C16orf86: variants seen among roughly 807,000 people sequenced by gnomAD.
The protein encoded by C16orf86 is chromosome 16 open reading frame 86.
C16orf86 carries 19 observed loss-of-function variants against 21.5 expected under a neutral mutation model. The ratio of observed to expected loss-of-function variants is 0.88; its 90% CI spans 0.62 to 1.30. The LOEUF is 1.30. Among genes scored for constraint, C16orf86 ranks in the 50% most tolerant of loss-of-function variants. C16orf86 has a pLI of 0.00. For missense variants in C16orf86, 391 were observed against 415.8 expected (o/e 0.94, Z 0.52); for synonymous variants, 188 against 183.5 (o/e 1.02, Z -0.20).
rs1445201353 is a variant in C16orf86 at position 67,667,967 on chromosome 16, ACAGC to A, written c.426_429del (p.Ser142ArgfsTer36). 6.2e-7 allele frequency: 1 copy of A among 1,613,442 alleles called. No individual in the cohort carries two copies. Among genetic ancestry groups the A allele is most frequent in the Admixed American group, 1.7e-5 (1 of 60,018 alleles). On this transcript the variant is annotated frameshift_variant, in exon 3 of 4. Transcript: ENST00000403458. LOFTEE classifies it high-confidence loss of function. ...CCGCTGCAGGAGGAGGAGCCAGAGG[ACAGC>A]CAGAGTGAGCCCTCACCATCTGCCA...
chr16:67,668,378 G>A lies in C16orf86; in HGVS notation c.732G>A (p.Leu244=). The change falls in exon 4 of 4, where the codon CTG becomes CTA. Residue 244 remains leucine (L), a synonymous_variant. Coordinates refer to ENST00000403458, the MANE Select transcript of C16orf86 (RefSeq NM_001012984.3). ...LQALLPLAGE[L]GPGLALPCPS... ...CCTTGCTGCCCTTGGCAGGTGAGCT[G>A]GGCCCAGGCCTCGCTTTGCCCTGTC... 2 of 1,612,662 alleles carry A rather than the reference G, an allele frequency of 1.2e-6. No homozygotes were observed. Among genetic ancestry groups the A allele is most frequent in the South Asian group, 1.1e-5 (1 of 91,068 alleles).
In C16orf86 at chr16:67,667,935, C is replaced by T; in HGVS notation, c.390C>T (p.Pro130=). ...TTAAGGCTGAAGCTGAGCTGCCACCCAAGCTGCCGCTGCAGGAGGAGGAGC... is the reference window on the plus strand; with the variant it reads ...TTAAGGCTGAAGCTGAGCTGCCACCTAAGCTGCCGCTGCAGGAGGAGGAGC... ...AHLKAEAELP[P]KLPLQEEEPE... The change falls in exon 3 of 4, where the codon CCC becomes CCT. Residue 130 remains proline, a synonymous_variant. Transcript: ENST00000403458. The T allele has an allele frequency of 2.5e-6, 4 of 1,612,906 alleles. No homozygotes were observed. Among genetic ancestry groups the T allele is most frequent in the Non-Finnish European group, 3.4e-6 (4 of 1,179,738 alleles).
Position 67,667,978 on chromosome 16 carries a change from GAGCCCTC to G in C16orf86, c.435_441del (p.Glu145AspfsTer32). Reference sequence around the variant, plus strand: ...GGAGGAGCCAGAGGACAGCCAGAGTGAGCCCTCACCATCTGCCAAACAGCACAAAAAA... The same window carrying G: ...GGAGGAGCCAGAGGACAGCCAGAGTGACCATCTGCCAAACAGCACAAAAAA... On this transcript the variant is annotated frameshift_variant, in exon 3 of 4. Coordinates refer to ENST00000403458, the MANE Select transcript of C16orf86 (RefSeq NM_001012984.3). LOFTEE classifies it high-confidence loss of function. The G allele has an allele frequency of 6.2e-7, 1 of 1,613,548 alleles. No homozygotes were observed. The highest frequency in any genetic ancestry group is 2.2e-5 in the East Asian group (1 of 44,884).
Position 67,668,450 on chromosome 16 carries a change from G to A in C16orf86, c.804G>A (p.Glu268=), listed in dbSNP as rs1470265841. The stretch of plus-strand genomic sequence containing the variant: ...CCCATGCCCTGGCTCCCCTCGGAGA[G>A]GAGGCTGGAGAGGAGCCTGGGGGCT... The part of the protein sequence containing the change: ...TPTHALAPLG[E]EAGEEPGGLP... The change falls in exon 4 of 4, where the codon GAG becomes GAA. Residue 268 remains glutamate (E), a synonymous_variant. Transcript: ENST00000403458. The A allele has an allele frequency of 6.2e-7, 1 of 1,612,362 alleles. No homozygotes were observed. Among genetic ancestry groups the A allele is most frequent in the African/African-American group, 1.3e-5 (1 of 74,828 alleles).
rs1295153101 is a variant in C16orf86, at chr16:67,667,056, G to C, written c.86G>C (p.Ser29Thr). The C allele has an allele frequency of 6.9e-7, 1 of 1,453,142 alleles. No individual in the cohort carries two copies. Among genetic ancestry groups the C allele is most frequent in the South Asian group, 1.4e-5 (1 of 69,296 alleles). 90.0% of individuals were successfully genotyped at this position (1,453,142 alleles called of 1,614,324 possible). Residue 29 changes from serine to threonine, a missense_variant, in exon 1 of 4, where the codon AGC becomes ACC. Coordinates refer to ENST00000403458, the MANE Select transcript of C16orf86 (RefSeq NM_001012984.3). ...GGACAGCTCACGGAGGAGCCCGGCA[G>C]CGCTCAGACCTCCGAGGTGACCGTC... ...GQGQLTEEPG[S>T]AQTSECPVAG...
chr16:67,667,792 G>A, intron 2 of C16orf86, 86 bp from the exon 3 acceptor site: 1 of 1,519,952 alleles, frequency 6.6e-7, no homozygotes, highest in Non-Finnish European at 8.8e-7. Context: ...CGAGCCCTGG[G>A]GCTGTGGGCA....
In C16orf86 at chr16:67,666,984, G is replaced by C; in HGVS notation, c.14G>C (p.Gly5Ala). The C allele has an allele frequency of 6.9e-7, 1 of 1,451,920 alleles. No individual in the cohort carries two copies. The highest frequency in any genetic ancestry group is 9.0e-7 in the Non-Finnish European group (1 of 1,109,666). The allele number at this position is 1,451,920 out of a possible 1,614,324, so 89.9% of individuals were successfully genotyped here. A position where few individuals can be genotyped will look rare whatever the true frequency, so the allele number is the denominator to read the frequency against. The change falls in exon 1 of 4, where the codon GGG becomes GCG. Residue 5 changes from glycine (G) to alanine (A), a missense_variant. Coordinates refer to ENST00000403458, the MANE Select transcript of C16orf86 (RefSeq NM_001012984.3). Reference sequence around the variant, plus strand: ...GCCTGCGCAGCCATGGCCTCGGCAGGGGCGGAGAGGCGGCCGGGGGTCCAG... The same window carrying C: ...GCCTGCGCAGCCATGGCCTCGGCAGCGGCGGAGAGGCGGCCGGGGGTCCAG... MASA[G>A]AERRPGVQEA...
Position 67,667,506 on chromosome 16 carries a change from C to T in C16orf86, c.313C>T (p.Pro105Ser). Reference sequence around the variant, plus strand: ...CTCCATTGTGAGGCCCCGTCATGGTCCAAAGAGAAAGCCTGTCAAGTGAGG... The same window carrying T: ...CTCCATTGTGAGGCCCCGTCATGGTTCAAAGAGAAAGCCTGTCAAGTGAGG... ...VVSIVRPRHGPKRKPVKSLSL... is the reference protein window; with the variant it reads ...VVSIVRPRHGSKRKPVKSLSL... Residue 105 changes from proline (P) to serine (S), a missense_variant, in exon 2 of 4, where the codon CCA (proline) becomes TCA (serine). Pro to Ser is a moderately conservative substitution (Grantham distance 74). Transcript: ENST00000403458. 1 of 1,606,158 alleles carries T rather than the reference C, an allele frequency of 6.2e-7. No homozygotes were observed. The highest frequency in any genetic ancestry group is 8.5e-7 in the Non-Finnish European group (1 of 1,176,690).
In C16orf86 at chr16:67,668,135, G is replaced by T. The variant is rs772484887; in HGVS notation, c.553+37G>T. 5 of 1,598,248 alleles carry T rather than the reference G, an allele frequency of 3.1e-6. No individual in the cohort carries two copies. In the South Asian group the frequency reaches 5.6e-5, roughly 18 times the overall value. On this transcript the variant is annotated intron_variant, in intron 3 of 3. Coordinates refer to ENST00000403458, the MANE Select transcript of C16orf86 (RefSeq NM_001012984.3). The stretch of plus-strand genomic sequence containing the variant: ...TCCCTGGACTGTTCCTTCTCCCCCT[G>T]CCTGTGGGGCCCGACATGGCACAAC...
chr16:67,667,894 G>A lies in C16orf86; in HGVS notation c.349G>A (p.Gly117Ser). Residue 117 changes from glycine (G) to serine (S), a missense_variant, in exon 3 of 4, where the codon GGC becomes AGC. Coordinates refer to ENST00000403458, the MANE Select transcript of C16orf86 (RefSeq NM_001012984.3). ...RKPVKSLSLPGLRAHLKAEAE... is the reference protein window; with the variant it reads ...RKPVKSLSLPSLRAHLKAEAE... ...CTGGCTCAGGTCTCTCAGCCTCCCG[G>A]GCCTTCGTGCCCATCTTAAGGCTGA... 1 of 1,600,470 alleles carries A rather than the reference G, an allele frequency of 6.2e-7. No individual in the cohort carries two copies. The highest frequency in any genetic ancestry group is 8.5e-7 in the Non-Finnish European group (1 of 1,173,876).
rs1166903915 is a variant in C16orf86 at position 67,667,288 on chromosome 16, A to G, written c.103-8A>G. On this transcript the variant is annotated splice_region_variant and splice_polypyrimidine_tract_variant and intron_variant, in intron 1 of 3. Coordinates refer to ENST00000403458, the MANE Select transcript of C16orf86 (RefSeq NM_001012984.3). ...CATGGTGACCGATGGCCTGTGTGTC[A>G]TCTCTAGTGTCCAGTGGCGGGAGAC... is the stretch of plus-strand genomic sequence containing the variant. 1 of 1,612,348 alleles carries G rather than the reference A, an allele frequency of 6.2e-7. No homozygotes were observed. Among genetic ancestry groups the G allele is most frequent in the South Asian group, 1.1e-5 (1 of 91,046 alleles).
rs553991122 is a variant in C16orf86 at position 67,668,240 on chromosome 16, C to T, written c.594C>T (p.Asn198=). ...TGCGGCCGCTGTACCAGTACGTCAACTATTGCAACCCTGAGCTGAACCAGG... is the reference window on the plus strand; with the variant it reads ...TGCGGCCGCTGTACCAGTACGTCAATTATTGCAACCCTGAGCTGAACCAGG... ...QRLRPLYQYV[N]YCNPELNQAG... is the part of the protein sequence containing the mutation. The change falls in exon 4 of 4, where the codon AAC becomes AAT. Residue 198 remains asparagine, a synonymous_variant. Coordinates refer to ENST00000403458, the MANE Select transcript of C16orf86 (RefSeq NM_001012984.3). The T allele has an allele frequency of 7.5e-6, 12 of 1,595,970 alleles. No homozygotes were observed. In the African/African-American group the frequency reaches 1.2e-4, roughly 16 times the overall value.
Position 67,667,866 on chromosome 16 carries a change from T to C in C16orf86, c.333-12T>C. 4 of 1,554,910 alleles carry C rather than the reference T, an allele frequency of 2.6e-6. No individual in the cohort carries two copies. In the African/African-American group the frequency reaches 5.5e-5, roughly 21 times the overall value. ...GCTGGAGCCTGGCTCAAGTCTCTTG[T>C]CCCTGGCTCAGGTCTCTCAGCCTCC... On this transcript the variant is annotated splice_polypyrimidine_tract_variant and intron_variant, in intron 2 of 3. Transcript: ENST00000403458.
Position 67,667,495 on chromosome 16 carries a change from C to G in C16orf86, c.302C>G (p.Pro101Arg), listed in dbSNP as rs758788440. ...AGGCCCGTGGTCTCCATTGTGAGGC[C>G]CCGTCATGGTCCAAAGAGAAAGCCT... ...GPRPVVSIVR[P>R]RHGPKRKPVK... is the part of the protein sequence containing the mutation. The change falls in exon 2 of 4, where the codon CCC becomes CGC. Residue 101 changes from proline to arginine, a missense_variant. Physicochemically the swap from Pro to Arg is moderately radical, Grantham distance 103 (BLOSUM62 -2). Transcript: ENST00000403458. 1.2e-5 allele frequency: 19 copies of G among 1,607,796 alleles called. No individual in the cohort carries two copies. Among genetic ancestry groups the G allele is most frequent in the Non-Finnish European group, 1.6e-5 (19 of 1,177,550 alleles).
In C16orf86 at chr16:67,667,061, C is replaced by T; in HGVS notation, c.91C>T (p.Gln31Ter). The change falls in exon 1 of 4, where the codon CAG becomes TAG. Residue 31 changes from glutamine (Q) to a stop codon, truncating the protein, a stop_gained. Coordinates refer to ENST00000403458, the MANE Select transcript of C16orf86 (RefSeq NM_001012984.3). LOFTEE classifies it high-confidence loss of function. ...GCTCACGGAGGAGCCCGGCAGCGCT[C>T]AGACCTCCGAGGTGACCGTCAGGCT... ...GQLTEEPGSA[Q>*]TSECPVAGDQ... is the part of the protein sequence containing the mutation. 1.4e-6 allele frequency: 2 copies of T among 1,453,614 alleles called. No individual in the cohort carries two copies. The highest frequency in any genetic ancestry group is 2.9e-5 in the South Asian group (2 of 69,454). The allele number at this position is 1,453,614 out of a possible 1,614,324, so 90.0% of individuals were successfully genotyped here.
rs1404750986 is a variant in C16orf86, at chr16:67,668,651, C to T, written c.*51C>T. On this transcript the variant is annotated 3_prime_UTR_variant, in exon 4 of 4. Transcript: ENST00000403458. ...CTCCTTCCACGCCTGAATTTGGCTT[C>T]AGGCTTCCTGTGGGCCTAGGCCCTC... is the stretch of plus-strand genomic sequence containing the variant. 2 of 1,585,446 alleles carry T rather than the reference C, an allele frequency of 1.3e-6. No individual in the cohort carries two copies. Among genetic ancestry groups the T allele is most frequent in the Non-Finnish European group, 1.7e-6 (2 of 1,157,832 alleles).
At position 67,667,888 on chromosome 16, in the gene C16orf86, C is replaced by T. The variant is rs2053126235; in HGVS notation, c.343C>T (p.Leu115Phe). ...PKRKPVKSLS[L>F]PGLRAHLKAE... ...TTGTCCCTGGCTCAGGTCTCTCAGC[C>T]TCCCGGGCCTTCGTGCCCATCTTAA... The change falls in exon 3 of 4, where the codon CTC (leucine) becomes TTC (phenylalanine). Residue 115 changes from leucine (L) to phenylalanine (F), a missense_variant. Leu to Phe is a conservative substitution (Grantham distance 22). Transcript: ENST00000403458. 1 of 1,593,146 alleles carries T rather than the reference C, an allele frequency of 6.3e-7. No homozygotes were observed. The highest frequency in any genetic ancestry group is 1.3e-5 in the African/African-American group (1 of 74,516).
At position 67,668,629 on chromosome 16, in the gene C16orf86, C is replaced by T; in HGVS notation, c.*29C>T. On this transcript the variant is annotated 3_prime_UTR_variant, in exon 4 of 4. Transcript: ENST00000403458. ...TCCCGCCCCACTGGTGGCTCCCCTC[C>T]TTCCACGCCTGAATTTGGCTTCAGG... The T allele has an allele frequency of 6.2e-7, 1 of 1,608,428 alleles. No individual in the cohort carries two copies. The highest frequency in any genetic ancestry group is 8.5e-7 in the Non-Finnish European group (1 of 1,176,254).
In C16orf86 at chr16:67,666,928, C is replaced by T. The variant is rs1018940513; in HGVS notation, c.-43C>T. 4 of 1,321,434 alleles carry T rather than the reference C, an allele frequency of 3.0e-6. No homozygotes were observed. Among genetic ancestry groups the T allele is most frequent in the Non-Finnish European group, 4.0e-6 (4 of 1,007,140 alleles). The allele number at this position is 1,321,434 out of a possible 1,614,324, so 81.9% of individuals were successfully genotyped here. The stretch of plus-strand genomic sequence containing the variant: ...GGGCCACCATCCAGCCCCTTGGGGC[C>T]CGCCCCAAGCAGCTGTCGAGGACGC... On this transcript the variant is annotated 5_prime_UTR_variant, in exon 1 of 4. Transcript: ENST00000403458.
Sources: gnomAD v4.1 joint callset for allele counts on GRCh38, gnomAD v4.1.1 for gene constraint, MANE v1.5 for transcripts, NCBI Gene and HGNC (gene_info 2026-07-23, HGNC 2026-07-21) for gene names.